The following MAP2 variants were observed in gnomAD, a reference collection of about 807,000 sequenced individuals.
MAP2 encodes microtubule associated protein 2.
In MAP2, 14 loss-of-function variants were observed where a neutral mutation model predicts 137.6. The ratio of observed to expected loss-of-function variants is 0.10; its 90% confidence interval spans 0.07 to 0.16. MAP2 has a LOEUF of 0.16. Ranked by LOEUF, MAP2 falls within the 10% of genes least tolerant of loss-of-function variation. The pLI is 1.00. For missense variants in MAP2, 2,088 were observed against 2,191.5 expected (o/e 0.95, Z 0.94); for synonymous variants, 786 against 782.3 (o/e 1.00, Z -0.08).
At chr2:209,525,326 C>T (rs1364851343) in intron 2 of MAP2, among the ~76,000 whole-genome samples, 7 of 152,018 alleles carry the variant, frequency 4.6e-5, no homozygotes, top group Non-Finnish European at 7.4e-5. Context: ...ATGACGTCTT[C>T]TAATTTTATC....
In MAP2 at chr2:209,689,506, C is replaced by A. The variant is rs1338151172; in HGVS notation, c.455-3119C>A. Among the ~76,000 whole-genome samples, 4 of 152,016 alleles carry A rather than the reference C, an allele frequency of 2.6e-5. No homozygotes were observed. The South Asian group carries it at 6.2e-4, about 24-fold the overall frequency. On this transcript the variant is annotated intron_variant, in intron 7 of 15. Transcript: ENST00000682079. ...ATTTCTCTCTAATTCCTTAAGTGAC[C>A]AAATGGAATTTACTTATTTTTACTG...
At chr2:209,672,500 C>T (rs943006394) in intron 5 of MAP2, among the ~76,000 whole-genome samples, 2 of 151,834 alleles carry the variant, frequency 1.3e-5, no homozygotes, top group Non-Finnish European at 2.9e-5. Flanking sequence ...ATGAATACTA[C>T]TCTTATTCCC....
intron 3 of MAP2, among the ~76,000 whole-genome samples, chr2:209,583,380 G>A (rs2076976554): frequency 6.6e-6 from 1 of 151,984 alleles, no homozygotes; most frequent in African/African-American, 2.4e-5. Context: ...TGTAATTATA[G>A]TGAAATGTTA....
intron 1 of MAP2, among the ~76,000 whole-genome samples, chr2:209,447,671 A>G (rs149749283): frequency 0.013 from 1,977 of 152,176 alleles, 22 homozygotes; most frequent in Non-Finnish European, 0.022. Flanking sequence ...TGCTAACCCC[A>G]AGGATCCCTT....
At chr2:209,644,738 G>C (rs2094303676) in intron 4 of MAP2, among the ~76,000 whole-genome samples, 1 of 150,348 alleles carries the variant, frequency 6.7e-6, no homozygotes, top group Non-Finnish European at 1.5e-5. Context: ...TGTTTTGATA[G>C]TTTTTTATAT....
chr2:209,621,300 C>T (rs560221346), intron 3 of MAP2, among the ~76,000 whole-genome samples: 1 of 145,078 alleles, frequency 6.9e-6, no homozygotes, highest in South Asian at 2.5e-4. Flanking sequence ...GCTGTGTCAC[C>T]CAGGCTGGAG....
At chr2:209,554,960 TA>T (rs958334718) in intron 2 of MAP2, among the ~76,000 whole-genome samples, 8 of 147,824 alleles carry the variant, frequency 5.4e-5, no homozygotes, top group African/African-American at 2.0e-4. Context: ...ATTATTTTTA[TA>T]TATATATATA....
At chr2:209,719,948 T>C (rs1385330472) in intron 13 of MAP2, among the ~76,000 whole-genome samples, 1 of 152,216 alleles carries the variant, frequency 6.6e-6, no homozygotes, top group Non-Finnish European at 1.5e-5. Context: ...ACTGGAGGTA[T>C]TGATTGCACC....
chr2:209,622,948 A>G (rs779955554), intron 3 of MAP2, among the ~76,000 whole-genome samples: 4 of 152,202 alleles, frequency 2.6e-5, no homozygotes, highest in Non-Finnish European at 5.9e-5. Context: ...CCTTTGGCCA[A>G]TAATTTCCCA....
chr2:209,582,654 AGAT>A (rs1033989508), intron 3 of MAP2, among the ~76,000 whole-genome samples: 5 of 131,580 alleles, frequency 3.8e-5, no homozygotes, highest in Admixed American at 2.5e-4. Flanking sequence ...ATAGATAGAT[AGAT>A]GATAGATAGA....
intron 2 of MAP2, among the ~76,000 whole-genome samples, chr2:209,528,559 TG>T (rs1476819209): frequency 3.3e-5 from 5 of 152,112 alleles, no homozygotes; most frequent in African/African-American, 1.2e-4. Context: ...GATTATAATT[TG>T]GTTAACATAT....
intron 1 of MAP2, among the ~76,000 whole-genome samples, chr2:209,500,713 AT>A (rs939428321): frequency 2.0e-5 from 3 of 152,114 alleles, no homozygotes; most frequent in Non-Finnish European, 4.4e-5. Context: ...AAAATACTAA[AT>A]GATACTAAAA....
chr2:209,608,967 A>G (rs145264390), intron 3 of MAP2, among the ~76,000 whole-genome samples: 1,957 of 152,196 alleles, frequency 0.013, 14 homozygotes, highest in Non-Finnish European at 0.018. Flanking sequence ...AATAATTAAA[A>G]TTGAATGTAA....
rs1009505982 is a variant in MAP2, at chr2:209,694,054, C to A, written c.1884C>A (p.Pro628=). 6.2e-7 allele frequency: 1 copy of A among 1,613,312 alleles called. No individual in the cohort carries two copies. Among genetic ancestry groups the A allele is most frequent in the Non-Finnish European group, 8.5e-7 (1 of 1,179,746 alleles). The change falls in exon 8 of 16, where the codon CCC becomes CCA. Residue 628 remains proline (P), a synonymous_variant. Coordinates refer to ENST00000682079, the MANE Select transcript of MAP2 (RefSeq NM_001375505.1). ...TTCAAACAGGAAAAGAATCCCAGCC[C>A]AGTCCTCCAGCACAAGAAGCAGGGT... ...KEFQTGKESQ[P]SPPAQEAGYS... is the part of the protein sequence containing the mutation.
intron 3 of MAP2, among the ~76,000 whole-genome samples, chr2:209,614,200 A>G (rs1233933409): frequency 6.6e-6 from 1 of 151,882 alleles, no homozygotes; most frequent in Non-Finnish European, 1.5e-5. Flanking sequence ...GTGCCTGTTT[A>G]CTTAAATCTA....
chr2:209,508,668 TTCGAAATCTGTA>T (rs1212615198), intron 2 of MAP2, among the ~76,000 whole-genome samples: 1 of 151,420 alleles, frequency 6.6e-6, no homozygotes, highest in Admixed American at 6.6e-5. Context: ...CTTTCCTATC[TTCGAAATCTGTA>T]TCGAATGAAG....
At chr2:209,682,125 C>T (rs947355503) in intron 7 of MAP2, among the ~76,000 whole-genome samples, 3 of 152,100 alleles carry the variant, frequency 2.0e-5, no homozygotes, top group Non-Finnish European at 4.4e-5. Flanking sequence ...ATTCACTGGG[C>T]ACATATTTAT....
chr2:209,625,214 ATAAG>A (rs1048898023), intron 4 of MAP2, 85 bp downstream of exon 4: 2 of 152,212 alleles, frequency 1.3e-5, no homozygotes, highest in Non-Finnish European at 2.9e-5. Flanking sequence ...AAATCTTTAA[ATAAG>A]TAACAATTCA....
At chr2:209,545,660 A>T (rs755121025) in intron 2 of MAP2, among the ~76,000 whole-genome samples, 1 of 152,354 alleles carries the variant, frequency 6.6e-6, no homozygotes, top group East Asian at 1.9e-4. Context: ...TTTTTAGCAC[A>T]AAATTGCTGC....
Sources: allele counts gnomAD v4.1 joint callset (sites outside exome capture counted in the v4.1 genomes callset), GRCh38; gene constraint gnomAD v4.1.1; transcripts MANE v1.5; gene names NCBI Gene and HGNC (gene_info 2026-07-23, HGNC 2026-07-21).